The following NAT2 variants were observed in gnomAD, a reference collection of about 807,000 sequenced individuals.
NAT2 encodes N-acetyltransferase 2.
For synonymous variants in NAT2, 137 were observed against 125.9 expected, an observed-to-expected ratio of 1.09 and a Z score of -0.59; for missense variants, 428 against 339.1, an observed-to-expected ratio of 1.26 and a Z score of -2.06.
intron 1 of NAT2, among the ~76,000 whole-genome samples, chr8:18,392,561 C>T (rs1432924852): frequency 1.3e-5 from 2 of 152,298 alleles, no homozygotes; most frequent in East Asian, 1.9e-4. Context: ...GGTGCCCACC[C>T]GGATTGAGGG....
At chr8:18,388,978 T>A (rs1363297137), upstream of NAT2, among the ~76,000 whole-genome samples, 1 of 152,160 alleles carries the variant, frequency 6.6e-6, no homozygotes, top group Non-Finnish European at 1.5e-5. Flanking sequence ...CTCTCTGACA[T>A]CTCACACTCC....
At chr8:18,396,425 A>AT (rs200257671) in intron 1 of NAT2, among the ~76,000 whole-genome samples, 5 of 151,682 alleles carry the variant, frequency 3.3e-5, no homozygotes, top group African/African-American at 9.7e-5. Context: ...AATCTAAAAA[A>AT]TTTTTTTTTG....
At chr8:18,396,731 G>A (rs868526144) in intron 1 of NAT2, among the ~76,000 whole-genome samples, 13 of 152,046 alleles carry the variant, frequency 8.6e-5, no homozygotes, top group East Asian at 3.9e-4. Flanking sequence ...CTTAATATTC[G>A]TTTCATAAAA....
intron 1 of NAT2, among the ~76,000 whole-genome samples, chr8:18,396,601 G>T (rs1035868202): frequency 6.6e-6 from 1 of 151,990 alleles, no homozygotes. Context: ...TCACCACGTT[G>T]GTCAGGATGG....
In NAT2 at chr8:18,400,905, T is replaced by G; in HGVS notation, c.*29T>G. ...AAGGAACAAAATAAACCCTTGTGTA[T>G]GTATCACCCAACTCACTAATTATCA... On this transcript the variant is annotated 3_prime_UTR_variant, in exon 2 of 2. Coordinates refer to ENST00000286479, the MANE Select transcript of NAT2 (RefSeq NM_000015.3). 1 of 1,507,070 alleles carries G rather than the reference T, an allele frequency of 6.6e-7. No individual in the cohort carries two copies. Among genetic ancestry groups the G allele is most frequent in the Middle Eastern group, 1.9e-4 (1 of 5,278 alleles). 93.4% of individuals were successfully genotyped at this position (1,507,070 alleles called of 1,614,324 possible).
rs202012818 is a variant in NAT2, at chr8:18,400,372, T to A, written c.369T>A (p.Ala123=). The A allele has an allele frequency of 2.6e-5, 42 of 1,612,744 alleles. No individual in the cohort carries two copies. The highest frequency in any genetic ancestry group is 3.6e-5 in the Non-Finnish European group (42 of 1,179,438). Residue 123 remains alanine (A), a synonymous_variant, in exon 2 of 2, where the codon GCT becomes GCA. Transcript: ENST00000286479. ...TIDGRNYIVD[A]GSGSSSQMWQ... is the part of the protein sequence containing the mutation. Reference sequence around the variant, plus strand: ...ACGGCAGGAATTACATTGTCGATGCTGGGTCTGGAAGCTCCTCCCAGATGT... The same window carrying A: ...ACGGCAGGAATTACATTGTCGATGCAGGGTCTGGAAGCTCCTCCCAGATGT...
chr8:18,400,581 C>T lies in NAT2; in HGVS notation c.578C>T (p.Thr193Met), dbSNP rs79050330. ...AAACACCAAAAAATATACTTATTTA[C>T]GCTTGAACCTCGAACAATTGAAGAT... ...KKKHQKIYLF[T>M]LEPRTIEDFE... Residue 193 changes from threonine to methionine, a missense_variant, in exon 2 of 2, where the codon ACG becomes ATG. Coordinates refer to ENST00000286479, the MANE Select transcript of NAT2 (RefSeq NM_000015.3). 480 of 1,612,984 alleles carry T rather than the reference C, an allele frequency of 3.0e-4. 1 individual carries two copies. The highest frequency in any genetic ancestry group is 2.7e-3 in the African/African-American group (205 of 74,898).
chr8:18,394,198 A>G (rs989259768), intron 1 of NAT2, among the ~76,000 whole-genome samples: 2 of 152,184 alleles, frequency 1.3e-5, no homozygotes, highest in African/African-American at 4.8e-5. Flanking sequence ...AGGAGAAGGA[A>G]TTTCACAAGA....
chr8:18,400,589 C>A lies in NAT2; in HGVS notation c.586C>A (p.Pro196Thr), dbSNP rs771698130. 30 of 1,613,212 alleles carry A rather than the reference C, an allele frequency of 1.9e-5. No homozygotes were observed. The highest frequency in any genetic ancestry group is 2.5e-5 in the Non-Finnish European group (29 of 1,179,860). ...AAAAATATACTTATTTACGCTTGAA[C>A]CTCGAACAATTGAAGATTTTGAGTC... ...HQKIYLFTLE[P>T]RTIEDFESMN... The change falls in exon 2 of 2, where the codon CCT becomes ACT. Residue 196 changes from proline (P) to threonine (T), a missense_variant. Coordinates refer to ENST00000286479, the MANE Select transcript of NAT2 (RefSeq NM_000015.3).
chr8:18,395,890 C>A (rs1800681163), intron 1 of NAT2, among the ~76,000 whole-genome samples: 1 of 149,728 alleles, frequency 6.7e-6, no homozygotes, highest in Non-Finnish European at 1.5e-5. Flanking sequence ...CTTTCACAAA[C>A]AATAAGACCT....
intron 1 of NAT2, among the ~76,000 whole-genome samples, chr8:18,393,948 G>A (rs1388321660): frequency 1.3e-5 from 2 of 152,214 alleles, no homozygotes. Context: ...ATAGTTTCAT[G>A]CACATCCGTG....
chr8:18,396,268 T>C (rs1374482682), intron 1 of NAT2, among the ~76,000 whole-genome samples: 1 of 152,194 alleles, frequency 6.6e-6, no homozygotes, highest in Non-Finnish European at 1.5e-5. Flanking sequence ...GCTTTTTATT[T>C]TAAGGTTTAA....
chr8:18,399,631 C>T (rs1800753075), intron 1 of NAT2, among the ~76,000 whole-genome samples: 1 of 152,144 alleles, frequency 6.6e-6, no homozygotes, highest in African/African-American at 2.4e-5. Flanking sequence ...CTGCTTATAT[C>T]AGAAACTGTT....
chr8:18,392,477 G>A (rs1476358156), intron 1 of NAT2, among the ~76,000 whole-genome samples: 1 of 152,196 alleles, frequency 6.6e-6, no homozygotes, highest in Admixed American at 6.5e-5. Flanking sequence ...TGTAGGCTGG[G>A]AGACTAAGCC....
At chr8:18,388,344 C>G (rs902295958), upstream of NAT2, among the ~76,000 whole-genome samples, 11 of 152,064 alleles carry the variant, frequency 7.2e-5, no homozygotes, top group African/African-American at 1.7e-4. Flanking sequence ...CTTTTCAGGA[C>G]AGCACTTTGC....
intron 1 of NAT2, among the ~76,000 whole-genome samples, chr8:18,398,656 G>T (rs900975776): frequency 6.6e-6 from 1 of 152,138 alleles, no homozygotes; most frequent in Non-Finnish European, 1.5e-5. Context: ...GTATTCCCCT[G>T]CTCAAGTTAC....
upstream of NAT2, among the ~76,000 whole-genome samples, chr8:18,386,497 G>C (rs537552630): frequency 3.9e-5 from 6 of 152,322 alleles, no homozygotes; most frequent in East Asian, 1.2e-3. Context: ...AGAGAGCAGA[G>C]AAGACCATGG....
chr8:18,386,401 C>T (rs986772277), upstream of NAT2, among the ~76,000 whole-genome samples: 3 of 152,186 alleles, frequency 2.0e-5, no homozygotes, highest in African/African-American at 7.2e-5. Flanking sequence ...GTACAGCTCC[C>T]TTCCACCCTT....
chr8:18,388,539 T>C (rs13257339), upstream of NAT2, among the ~76,000 whole-genome samples: 4,993 of 140,706 alleles, frequency 0.035, 121 homozygotes, highest in Non-Finnish European at 0.057. Flanking sequence ...AGCTTGGATA[T>C]AGAACCCTTC....
Sources: gnomAD v4.1 joint callset for allele counts (sites outside exome capture counted in the v4.1 genomes callset) on GRCh38, gnomAD v4.1.1 for gene constraint, MANE v1.5 for transcripts, NCBI Gene and HGNC (gene_info 2026-07-23, HGNC 2026-07-21) for gene names.